The following TNPO1 variants were observed in gnomAD, a reference collection of about 807,000 sequenced individuals.
TNPO1 encodes the protein transportin 1.
A neutral mutation model predicts 119.5 loss-of-function variants in TNPO1; 8 were observed. That is an observed-to-expected ratio of 0.07 (90% confidence interval 0.04 to 0.12). The LOEUF (loss-of-function observed/expected upper bound fraction) is 0.12. Ranked by LOEUF, TNPO1 falls within the 10% of genes least tolerant of loss-of-function variation. The pLI, the probability that TNPO1 is intolerant of heterozygous loss-of-function variation, is 1.00. For missense variants in TNPO1, 576 were observed against 1,089.8 expected (o/e 0.53, Z 6.64); for synonymous variants, 362 against 363.0 (o/e 1.00, Z 0.03).
At chr5:72,834,056 A>T (rs758033507) in intron 1 of TNPO1, among the ~76,000 whole-genome samples, 2 of 152,202 alleles carry the variant, frequency 1.3e-5, no homozygotes, top group Admixed American at 6.5e-5. Flanking sequence ...TGGTGGTCCC[A>T]TAAGATTATG....
chr5:72,862,992 T>TTGTG lies in TNPO1; in HGVS notation c.462+1109_462+1112dup, dbSNP rs71614493. On this transcript the variant is annotated intron_variant, in intron 5 of 24. Coordinates refer to ENST00000337273, the MANE Select transcript of TNPO1 (RefSeq NM_002270.4). ...TACATTAACTCTGACCTGTGGGTTTTTGTGTGTGTGTGTGTGTGTGTGTGT... is the reference window on the plus strand; with the variant it reads ...TACATTAACTCTGACCTGTGGGTTTTTGTGTGTGTGTGTGTGTGTGTGTGTGTGT... Among the ~76,000 whole-genome samples, 1,023 of 144,866 alleles carry TTGTG rather than the reference T, an allele frequency of 7.1e-3. 10 individuals carry two copies. The highest frequency in any genetic ancestry group is 0.015 in the South Asian group (69 of 4,514).
In TNPO1 at chr5:72,913,345, T is replaced by C. The variant is rs942843758; in HGVS notation, c.*4672T>C. 2.6e-5 allele frequency: 4 copies of C among 152,448 alleles called. No individual in the cohort carries two copies. The allele number at this position is 152,448 out of a possible 1,614,324, so 9.4% of individuals were successfully genotyped here. ...CCATTAGCATTACTTACGTAGATAA[T>C]TCTTTATGCCTAGTTATTATACATA... On this transcript the variant is annotated 3_prime_UTR_variant, in exon 25 of 25. Transcript: ENST00000337273.
intron 22 of TNPO1, among the ~76,000 whole-genome samples, chr5:72,902,964 A>G (rs1749902764): frequency 6.6e-6 from 1 of 152,124 alleles, no homozygotes; most frequent in South Asian, 2.1e-4. Context: ...AGTTTTCTGA[A>G]TATAATAGTA....
intron 3 of TNPO1, among the ~76,000 whole-genome samples, chr5:72,854,578 T>C (rs1745837732): frequency 6.6e-6 from 1 of 152,198 alleles, no homozygotes; most frequent in Non-Finnish European, 1.5e-5. Context: ...CTTAGTTTCT[T>C]CACTTGTGCA....
intron 6 of TNPO1, among the ~76,000 whole-genome samples, chr5:72,869,515 CCCT>C (rs1342767261): frequency 6.6e-6 from 1 of 152,114 alleles, no homozygotes; most frequent in Non-Finnish European, 1.5e-5. Flanking sequence ...CCACTGCACT[CCCT>C]CCTGGGTGAC....
chr5:72,849,373 C>G (rs998620920), intron 2 of TNPO1, among the ~76,000 whole-genome samples: 1 of 152,168 alleles, frequency 6.6e-6, no homozygotes, highest in African/African-American at 2.4e-5. Context: ...TCATGAATAA[C>G]CTTTTAACCC....
At chr5:72,888,445 C>T in intron 13 of TNPO1, 142 bp downstream of exon 13, 1 of 727,260 alleles carries the variant, frequency 1.4e-6, no homozygotes. Flanking sequence ...GCTTAGTTTT[C>T]TTTTTTCTTC....
intron 7 of TNPO1, among the ~76,000 whole-genome samples, chr5:72,874,453 C>T (rs1747623193): frequency 6.6e-6 from 1 of 152,134 alleles, no homozygotes; most frequent in African/African-American, 2.4e-5. Context: ...TGGGTATCCC[C>T]ACCCCCAACC....
Position 72,871,101 on chromosome 5 carries a change from C to T in TNPO1, c.597-1538C>T, listed in dbSNP as rs547820143. Among the ~76,000 whole-genome samples the T allele has an allele frequency of 7.2e-5, 11 of 152,116 alleles. No homozygotes were observed. In the South Asian group the frequency reaches 1.7e-3, roughly 23 times the overall value. Reference sequence around the variant, plus strand: ...TCTCCTGCCTCCTGCCTCAGCCTCCCGAATAGCTGGGATTACAGGCATGCA... The same window carrying T: ...TCTCCTGCCTCCTGCCTCAGCCTCCTGAATAGCTGGGATTACAGGCATGCA... On this transcript the variant is annotated intron_variant, in intron 6 of 24. Coordinates refer to ENST00000337273, the MANE Select transcript of TNPO1 (RefSeq NM_002270.4).
In TNPO1 at chr5:72,913,627, A is replaced by G. The variant is rs1330664702; in HGVS notation, c.*4954A>G. ...TGTTTATCTGCCATAGAATTTCCTT[A>G]TACTGTGGCTTGGTATTATTCAAGA... is the stretch of plus-strand genomic sequence containing the variant. On this transcript the variant is annotated 3_prime_UTR_variant, in exon 25 of 25. Transcript: ENST00000337273. 1 of 152,456 alleles carries G rather than the reference A, an allele frequency of 6.6e-6. No homozygotes were observed. Among genetic ancestry groups the G allele is most frequent in the African/African-American group, 2.4e-5 (1 of 41,442 alleles). The allele number at this position is 152,456 out of a possible 1,614,324, so 9.4% of individuals were successfully genotyped here.
At chr5:72,845,411 A>G (rs571480564) in intron 1 of TNPO1, among the ~76,000 whole-genome samples, 8 of 152,174 alleles carry the variant, frequency 5.3e-5, no homozygotes, top group Non-Finnish European at 7.3e-5. Context: ...TAACCCTGCA[A>G]TGTCTGGCTA....
intron 6 of TNPO1, among the ~76,000 whole-genome samples, chr5:72,867,471 A>G (rs937722759): frequency 3.9e-5 from 6 of 152,206 alleles, no homozygotes; most frequent in Non-Finnish European, 7.3e-5. Context: ...GGCAGTGACT[A>G]AGCAATTTAA....
At position 72,909,808 on chromosome 5, in the gene TNPO1, T is replaced by C. The variant is rs1750438276; in HGVS notation, c.*1135T>C. 2 of 152,584 alleles carry C rather than the reference T, an allele frequency of 1.3e-5. No individual in the cohort carries two copies. The highest frequency in any genetic ancestry group is 6.5e-5 in the Admixed American group (1 of 15,272). The allele number at this position is 152,584 out of a possible 1,614,324, so 9.5% of individuals were successfully genotyped here. On this transcript the variant is annotated 3_prime_UTR_variant, in exon 25 of 25. Transcript: ENST00000337273. ...TTTTTAGGATCTGTTAGGAATAAGA[T>C]TGATATTGTATTGTGTGTAACCTGC...
At chr5:72,863,536 G>A (rs1746643440) in intron 5 of TNPO1, among the ~76,000 whole-genome samples, 2 of 152,082 alleles carry the variant, frequency 1.3e-5, no homozygotes, top group Non-Finnish European at 2.9e-5. Context: ...GAGGCAGGTG[G>A]ATCATTTGAG....
At chr5:72,827,026 G>A (rs886482784) in intron 1 of TNPO1, among the ~76,000 whole-genome samples, 6 of 152,074 alleles carry the variant, frequency 3.9e-5, no homozygotes, top group Non-Finnish European at 7.4e-5. Context: ...AGAGTAAAGG[G>A]TAGGGTAGAG....
intron 1 of TNPO1, among the ~76,000 whole-genome samples, chr5:72,831,509 G>A (rs1337559975): frequency 6.6e-6 from 1 of 151,684 alleles, no homozygotes; most frequent in African/African-American, 2.4e-5. Context: ...GTATTTTGTA[G>A]CATTTAAATG....
intron 1 of TNPO1, among the ~76,000 whole-genome samples, chr5:72,825,411 G>T (rs1253310518): frequency 6.6e-6 from 1 of 152,156 alleles, no homozygotes; most frequent in Non-Finnish European, 1.5e-5. Flanking sequence ...CTAGAGGCCA[G>T]GTGCGGTGGC....
intron 13 of TNPO1, among the ~76,000 whole-genome samples, chr5:72,889,366 A>C (rs1264489456): frequency 6.6e-6 from 1 of 152,082 alleles, no homozygotes; most frequent in East Asian, 1.9e-4. Context: ...CAGGGATAGT[A>C]AATTTGAGTT....
At chr5:72,879,687 C>T (rs1392066636) in intron 9 of TNPO1, among the ~76,000 whole-genome samples, 2 of 152,166 alleles carry the variant, frequency 1.3e-5, no homozygotes, top group Admixed American at 6.5e-5. Context: ...TAAAACGCAG[C>T]TGTTTTTATT....
Sources: allele counts gnomAD v4.1 joint callset (sites outside exome capture counted in the v4.1 genomes callset), GRCh38; gene constraint gnomAD v4.1.1; transcripts MANE v1.5; gene names NCBI Gene and HGNC (gene_info 2026-07-23, HGNC 2026-07-21).